RDH10: variants seen among roughly 807,000 people sequenced by gnomAD.
The protein encoded by RDH10 is retinol dehydrogenase 10 (all-trans).
RDH10 carries 12 observed loss-of-function variants against 30.2 expected under a neutral mutation model. The ratio of observed to expected loss-of-function variants is 0.40; its 90% CI spans 0.25 to 0.64. The LOEUF is 0.64. Among genes scored for constraint, RDH10 ranks in the 30% least tolerant of loss-of-function variants. The pLI is 0.43. For synonymous variants in RDH10, 189 were observed against 172.2 expected (o/e 1.10, Z -0.76); for missense variants, 268 against 445.2 (o/e 0.60, Z 3.58).
intron 2 of RDH10, chr8:73,310,839 T>C (rs1211073157): frequency 6.6e-6 from 1 of 152,234 alleles, no homozygotes; most frequent in Non-Finnish European, 1.5e-5. Context: ...CTGTTCAGCA[T>C]TCATTGTTTA....
At chr8:73,299,861 G>T (rs1050473148) in intron 2 of RDH10, among the ~76,000 whole-genome samples, 2 of 152,284 alleles carry the variant, frequency 1.3e-5, no homozygotes, top group African/African-American at 4.8e-5. Flanking sequence ...AAAATTCATA[G>T]CCTTAGCTTT....
At chr8:73,319,983 T>G (rs1814737064) in intron 3 of RDH10, among the ~76,000 whole-genome samples, 1 of 152,218 alleles carries the variant, frequency 6.6e-6, no homozygotes, top group African/African-American at 2.4e-5. Context: ...AAAGGACACA[T>G]TATTTAAATA....
intron 2 of RDH10, among the ~76,000 whole-genome samples, chr8:73,307,882 G>A (rs531562836): frequency 6.6e-6 from 1 of 152,348 alleles, no homozygotes; most frequent in East Asian, 1.9e-4. Context: ...TCCCCAGGAA[G>A]CTTGCTCTGT....
chr8:73,302,318 A>G (rs571795470), intron 2 of RDH10, among the ~76,000 whole-genome samples: 2 of 152,306 alleles, frequency 1.3e-5, no homozygotes, highest in East Asian at 1.9e-4. Flanking sequence ...ATGCACTATC[A>G]TGCACTTTAA....
chr8:73,295,654 A>C, intron 1 of RDH10, 76 bp downstream of exon 1: 1 of 1,343,988 alleles, frequency 7.4e-7, no homozygotes, highest in Non-Finnish European at 9.8e-7. Flanking sequence ...CAGGCCCCAA[A>C]CCCCGCTGCC....
At chr8:73,309,627 T>TTC (rs1554580716) in intron 2 of RDH10, among the ~76,000 whole-genome samples, 2 of 127,674 alleles carry the variant, frequency 1.6e-5, no homozygotes, top group Non-Finnish European at 3.4e-5. Flanking sequence ...TTTTTTTTTT[T>TTC]CAATTTCCAG....
intron 2 of RDH10, chr8:73,300,447 G>A (rs1586187404): frequency 6.6e-6 from 1 of 151,634 alleles, no homozygotes; most frequent in South Asian, 2.1e-4. Flanking sequence ...AAAAAATAAT[G>A]AGTGTGTCTT....
At chr8:73,295,835 T>C (rs1814253324) in intron 1 of RDH10, 3 of 1,257,580 alleles carry the variant, frequency 2.4e-6, no homozygotes, top group Admixed American at 8.2e-5. Context: ...GGGGCGGGTT[T>C]CCTAAGCCCT....
intron 2 of RDH10, chr8:73,300,550 C>G (rs1351281739): frequency 1.3e-5 from 2 of 152,232 alleles, no homozygotes; most frequent in Non-Finnish European, 2.9e-5. Context: ...TTGAACAGAT[C>G]ATCCTGAACC....
At chr8:73,310,899 T>C (rs1191061607) in intron 2 of RDH10, 1 of 152,216 alleles carries the variant, frequency 6.6e-6, no homozygotes, top group Admixed American at 6.5e-5. Context: ...GGATGATTGT[T>C]TCAAATAATT....
At chr8:73,321,858 G>T (rs1386640612) in intron 4 of RDH10, 2 of 456,138 alleles carry the variant, frequency 4.4e-6, no homozygotes, top group Non-Finnish European at 8.8e-6. Context: ...TAGGTGGAAG[G>T]TGATTTGAAT....
chr8:73,295,293 A>T lies in RDH10; in HGVS notation c.4A>T (p.Asn2Tyr). Residue 2 changes from asparagine (N) to tyrosine (Y), a missense_variant, in exon 1 of 6, where the codon AAC becomes TAC. By Grantham distance (143) the Asn-to-Tyr change is moderately radical (BLOSUM62 -2). Transcript: ENST00000240285. ...GTGCGGGGCCCCGGGCGTCGCGATGAACATCGTGGTGGAGTTCTTCGTGGT... is the reference window on the plus strand; with the variant it reads ...GTGCGGGGCCCCGGGCGTCGCGATGTACATCGTGGTGGAGTTCTTCGTGGT... M[N>Y]IVVEFFVVTF... is the part of the protein sequence containing the mutation. 1 of 1,558,918 alleles carries T rather than the reference A, an allele frequency of 6.4e-7. No individual in the cohort carries two copies. The highest frequency in any genetic ancestry group is 8.7e-7 in the Non-Finnish European group (1 of 1,155,154).
At chr8:73,316,551 C>G (rs1366069972) in intron 2 of RDH10, among the ~76,000 whole-genome samples, 1 of 152,186 alleles carries the variant, frequency 6.6e-6, no homozygotes, top group Non-Finnish European at 1.5e-5. Context: ...ACATGTGTCT[C>G]TCTTCCTCAG....
intron 2 of RDH10, among the ~76,000 whole-genome samples, chr8:73,306,843 C>A (rs1016539359): frequency 7.2e-5 from 11 of 152,146 alleles, no homozygotes; most frequent in Admixed American, 6.5e-4. Context: ...TAACATGGTG[C>A]AGCTTCTTAG....
At chr8:73,306,575 C>T (rs1465044532) in intron 2 of RDH10, among the ~76,000 whole-genome samples, 1 of 152,238 alleles carries the variant, frequency 6.6e-6, no homozygotes, top group Non-Finnish European at 1.5e-5. Context: ...AGGGCAATTA[C>T]TGCCGCAACC....
rs1814236792 is a variant in RDH10, at chr8:73,295,177, G to C, written c.-113G>C. On this transcript the variant is annotated 5_prime_UTR_variant, in exon 1 of 6. Transcript: ENST00000240285. ...ACCTCGGGGGCGGGCGCGGGGCGCA[G>C]CCTTCTCGTCCCGGCCTCTGTGACA... 2 of 1,063,708 alleles carry C rather than the reference G, an allele frequency of 1.9e-6. No homozygotes were observed. The highest frequency in any genetic ancestry group is 8.0e-5 in the Admixed American group (2 of 25,144). The allele number at this position is 1,063,708 out of a possible 1,614,324, so 65.9% of individuals were successfully genotyped here.
At chr8:73,303,673 G>A (rs1814419657) in intron 2 of RDH10, among the ~76,000 whole-genome samples, 1 of 152,202 alleles carries the variant, frequency 6.6e-6, no homozygotes, top group East Asian at 1.9e-4. Context: ...TGTAGTCACA[G>A]TTGAAAACTG....
intron 2 of RDH10, chr8:73,298,007 A>G (rs2130354591): frequency 6.4e-6 from 1 of 157,084 alleles, no homozygotes; most frequent in South Asian, 1.9e-4. Context: ...AGGACCCTAG[A>G]GAGGGAGGCG....
intron 3 of RDH10, 23 bp downstream of exon 3, chr8:73,319,217 C>G (rs1814724224): frequency 6.6e-7 from 1 of 1,515,804 alleles, no homozygotes; most frequent in African/African-American, 1.4e-5. Flanking sequence ...TATAGCATTT[C>G]TTTCGTTCAA....
Sources: allele counts gnomAD v4.1 joint callset (sites outside exome capture counted in the v4.1 genomes callset), GRCh38; gene constraint gnomAD v4.1.1; transcripts MANE v1.5; gene names NCBI Gene and HGNC (gene_info 2026-07-23, HGNC 2026-07-21).